The following CCDC144A variants were observed in gnomAD, a reference collection of about 807,000 sequenced individuals.
The protein encoded by CCDC144A is coiled-coil domain-containing protein 144A.
In CCDC144A, 41 loss-of-function variants were observed where a neutral mutation model predicts 143.8. The observed-to-expected ratio is 0.29, with a 90% CI of 0.22 to 0.37. The LOEUF is 0.37. Among genes scored for constraint, CCDC144A ranks in the 10% least tolerant of loss-of-function variants. The pLI, the probability that CCDC144A is intolerant of heterozygous loss-of-function variation, is 1.00. For synonymous variants in CCDC144A, 242 were observed against 517.9 expected (o/e 0.47, Z 7.23); for missense variants, 637 against 1,488.8 (o/e 0.43, Z 9.41).
chr17:16,761,386 C>T (rs765765499), intron 12 of CCDC144A, 39 bp from the exon 13 acceptor site: 1 of 1,575,292 alleles, frequency 6.3e-7, no homozygotes, highest in Non-Finnish European at 8.6e-7. Context: ...TCTCAGTCTA[C>T]CTTCTTCATT....
chr17:16,736,306 T>G (rs1260497372), intron 12 of CCDC144A, among the ~76,000 whole-genome samples: 4 of 150,884 alleles, frequency 2.7e-5, no homozygotes, highest in Non-Finnish European at 4.4e-5. Context: ...GAGACGGAGT[T>G]TTGCCATGTT....
chr17:16,690,351 C>A lies in CCDC144A; in HGVS notation c.-50C>A, dbSNP rs759795875. The A allele has an allele frequency of 7.9e-6, 11 of 1,397,494 alleles. No individual in the cohort carries two copies. The highest frequency in any genetic ancestry group is 1.4e-5 in the African/African-American group (1 of 69,064). 86.6% of individuals were successfully genotyped at this position (1,397,494 alleles called of 1,614,324 possible). Reference sequence around the variant, plus strand: ...GGTCCTCCTTTCGCAGATTGGAAACCGCGGGCTATCCTGCTGGGAGGTTGT... The same window carrying A: ...GGTCCTCCTTTCGCAGATTGGAAACAGCGGGCTATCCTGCTGGGAGGTTGT... On this transcript the variant is annotated 5_prime_UTR_variant, in exon 1 of 17. Coordinates refer to ENST00000399273, the MANE Select transcript of CCDC144A (RefSeq NM_001382000.1).
In CCDC144A at chr17:16,709,323, T is replaced by A; in HGVS notation, c.1266T>A (p.His422Gln). The change falls in exon 5 of 17, where the codon CAT (histidine) becomes CAA (glutamine). Residue 422 changes from histidine to glutamine, a missense_variant. Physicochemically the swap from His to Gln is conservative, Grantham distance 24 (BLOSUM62 0). Coordinates refer to ENST00000399273, the MANE Select transcript of CCDC144A (RefSeq NM_001382000.1). ...TTTTTAGTACAGATAAGAACTTTCATAATGATGCAAGCACTAAGAAAGCAA... is the reference window on the plus strand; with the variant it reads ...TTTTTAGTACAGATAAGAACTTTCAAAATGATGCAAGCACTAAGAAAGCAA... ...GHIFSTDKNF[H>Q]NDASTKKARN... The A allele has an allele frequency of 3.7e-6, 6 of 1,611,640 alleles. No individual in the cohort carries two copies. Among genetic ancestry groups the A allele is most frequent in the African/African-American group, 1.3e-5 (1 of 74,966 alleles).
chr17:16,720,362 G>A (rs1200219478), intron 7 of CCDC144A, 131 bp downstream of exon 7: 11 of 1,032,812 alleles, frequency 1.1e-5, no homozygotes, highest in Middle Eastern at 2.6e-4. Context: ...AACAGTAACC[G>A]TTGATAATGG....
intron 12 of CCDC144A, among the ~76,000 whole-genome samples, chr17:16,747,939 G>C (rs1483762735): frequency 6.6e-6 from 1 of 152,178 alleles, no homozygotes; most frequent in African/African-American, 2.4e-5. Flanking sequence ...GCTCTGGCTA[G>C]GAGTTCCAGT....
At chr17:16,725,187 T>A (rs1305746149) in intron 8 of CCDC144A, among the ~76,000 whole-genome samples, 1 of 151,628 alleles carries the variant, frequency 6.6e-6, no homozygotes, top group Non-Finnish European at 1.5e-5. Flanking sequence ...AGTAGGTTCT[T>A]GCCTTTTTAT....
At chr17:16,686,776 AC>A (rs1910800039), upstream of CCDC144A, among the ~76,000 whole-genome samples, 1 of 151,574 alleles carries the variant, frequency 6.6e-6, no homozygotes, top group Non-Finnish European at 1.5e-5. Flanking sequence ...ACACACACAC[AC>A]ACACACACAA....
At chr17:16,746,730 T>G in intron 12 of CCDC144A, 1 of 1,611,568 alleles carries the variant, frequency 6.2e-7, no homozygotes, top group Non-Finnish European at 8.5e-7. Context: ...TGCTCCTTGG[T>G]GAGGCCCGGA....
intron 6 of CCDC144A, among the ~76,000 whole-genome samples, chr17:16,713,853 GT>G (rs1215214269): frequency 2.0e-5 from 3 of 152,092 alleles, no homozygotes; most frequent in African/African-American, 7.2e-5. Flanking sequence ...ATGCCCCTAG[GT>G]ATGCTGGCCT....
chr17:16,746,044 C>A (rs1914487665), intron 12 of CCDC144A: 3 of 1,610,778 alleles, frequency 1.9e-6, no homozygotes, highest in Middle Eastern at 1.7e-4. Context: ...TTATCACTGC[C>A]GCTGTGTGAC....
chr17:16,722,757 A>G (rs1412409441), intron 8 of CCDC144A, among the ~76,000 whole-genome samples: 3 of 151,898 alleles, frequency 2.0e-5, no homozygotes, highest in Admixed American at 2.0e-4. Context: ...CCAAAATGTC[A>G]TTTAGTTGGT....
At chr17:16,757,503 G>T (rs1915149729) in intron 12 of CCDC144A, among the ~76,000 whole-genome samples, 1 of 152,246 alleles carries the variant, frequency 6.6e-6, no homozygotes. Flanking sequence ...CCTGGGTGGG[G>T]TGGGCTGCTC....
intron 5 of CCDC144A, 49 bp from the exon 6 acceptor site, chr17:16,711,630 A>G (rs1232299718): frequency 1.9e-6 from 3 of 1,609,196 alleles, no homozygotes; most frequent in East Asian, 2.2e-5. Context: ...AGTTCTTTGT[A>G]TTGAATAAAG....
chr17:16,740,882 C>G (rs2621547), intron 12 of CCDC144A, among the ~76,000 whole-genome samples: 5 of 151,990 alleles, frequency 3.3e-5, no homozygotes, highest in Admixed American at 1.3e-4. Context: ...TATCTCCTTC[C>G]TTCTTCATCT....
intron 12 of CCDC144A, among the ~76,000 whole-genome samples, chr17:16,749,492 T>G (rs1914687893): frequency 6.6e-6 from 1 of 152,246 alleles, no homozygotes; most frequent in Non-Finnish European, 1.5e-5. Context: ...TTATCATGAC[T>G]TGCTTTATGG....
chr17:16,751,884 G>A (rs1260384149), intron 12 of CCDC144A, among the ~76,000 whole-genome samples: 1 of 152,252 alleles, frequency 6.6e-6, no homozygotes, highest in Non-Finnish European at 1.5e-5. Context: ...ACCCAACCAG[G>A]CCTCCCTCCA....
At chr17:16,694,595 A>G (rs1158418528) in intron 2 of CCDC144A, among the ~76,000 whole-genome samples, 4 of 152,044 alleles carry the variant, frequency 2.6e-5, no homozygotes. Context: ...AAAAACACAA[A>G]CAAAACCCTG....
intron 8 of CCDC144A, among the ~76,000 whole-genome samples, chr17:16,723,708 A>G (rs1271350191): frequency 6.6e-6 from 1 of 152,144 alleles, no homozygotes; most frequent in Non-Finnish European, 1.5e-5. Flanking sequence ...ATATAAGGGC[A>G]CTAATCCCAC....
intron 12 of CCDC144A, among the ~76,000 whole-genome samples, chr17:16,739,768 T>C (rs1914178827): frequency 1.3e-5 from 2 of 152,184 alleles, no homozygotes; most frequent in Non-Finnish European, 2.9e-5. Context: ...GAGCTATGTC[T>C]ATCCTTATGC....
Sources: allele counts gnomAD v4.1 joint callset (sites outside exome capture counted in the v4.1 genomes callset), GRCh38; gene constraint gnomAD v4.1.1; transcripts MANE v1.5; gene names NCBI Gene and HGNC (gene_info 2026-07-23, HGNC 2026-07-21).